IL16: variants seen among roughly 807,000 people sequenced by gnomAD.
The protein encoded by IL16 is pro-interleukin-16.
In IL16, 67 loss-of-function variants were observed where a neutral mutation model predicts 110.1. That is an observed-to-expected ratio of 0.61 (90% CI 0.50 to 0.75). IL16 has a LOEUF of 0.75. Among genes scored for constraint, IL16 ranks in the 30% least tolerant of loss-of-function variants. The pLI is 0.00. For synonymous variants in IL16, 689 were observed against 662.9 expected (o/e 1.04, Z -0.61); for missense variants, 1,545 against 1,655.0 (o/e 0.93, Z 1.15).
In IL16 at chr15:81,292,160, T is replaced by C. The variant is rs924447162; in HGVS notation, c.1421-396T>C. ...ACATAGCTGGGCCTCTGTAACCCTA[T>C]CTCCAGCAGTCCCTGGAGATGGGCT... is the stretch of plus-strand genomic sequence containing the variant. On this transcript the variant is annotated intron_variant, in intron 11 of 18. Coordinates refer to ENST00000683961, the MANE Select transcript of IL16 (RefSeq NM_172217.5). 1.1e-5 allele frequency: 4 copies of C among 353,904 alleles called. No individual in the cohort carries two copies. The Admixed American group carries it at 1.5e-4, about 13-fold the overall frequency. The allele number at this position is 353,904 out of a possible 1,614,324, so 21.9% of individuals were successfully genotyped here.
chr15:81,253,703 T>C (rs541994850), intron 2 of IL16, among the ~76,000 whole-genome samples: 2 of 152,222 alleles, frequency 1.3e-5, no homozygotes, highest in Non-Finnish European at 2.9e-5. Context: ...CCAGCACTAT[T>C]TGTAAAATAT....
intron 3 of IL16, among the ~76,000 whole-genome samples, chr15:81,263,899 C>T (rs1596007585): frequency 6.6e-6 from 1 of 152,170 alleles, no homozygotes; most frequent in East Asian, 1.9e-4. Context: ...CCGGAACCCT[C>T]TGGGCTTCCA....
At chr15:81,297,780 G>T (rs1429643443) in intron 13 of IL16, among the ~76,000 whole-genome samples, 1 of 152,238 alleles carries the variant, frequency 6.6e-6, no homozygotes, top group Non-Finnish European at 1.5e-5. Flanking sequence ...CCCTGTGCTA[G>T]ATGCTGGGGG....
intron 1 of IL16, among the ~76,000 whole-genome samples, chr15:81,214,420 CT>C (rs761755513): frequency 2.0e-5 from 3 of 152,140 alleles, no homozygotes; most frequent in Non-Finnish European, 2.9e-5. Flanking sequence ...GTTGGAATTT[CT>C]TTGCTTTGAA....
Position 81,306,167 on chromosome 15 carries a change from G to A in IL16, c.3679+1G>A. On this transcript the variant is annotated splice_donor_variant, in intron 17 of 18. Transcript: ENST00000683961. LOFTEE classifies it high-confidence loss of function. ...GCCAGTGATGTTTCTGTAGAATCTA[G>A]TAAGTTCTCCCAACTCAGTGGAAGC... 1 of 1,613,092 alleles carries A rather than the reference G, an allele frequency of 6.2e-7. No homozygotes were observed. The highest frequency in any genetic ancestry group is 8.5e-7 in the Non-Finnish European group (1 of 1,179,454).
chr15:81,273,527 C>T (rs1172546813), intron 6 of IL16, among the ~76,000 whole-genome samples: 2 of 152,150 alleles, frequency 1.3e-5, no homozygotes, highest in Non-Finnish European at 2.9e-5. Flanking sequence ...ATTCTCTCGG[C>T]TGTCTTTCCC....
chr15:81,193,051 A>T (rs1453029525), upstream of IL16, among the ~76,000 whole-genome samples: 1 of 152,204 alleles, frequency 6.6e-6, no homozygotes, highest in Non-Finnish European at 1.5e-5. Context: ...CAGCCTATAG[A>T]TGACAAAACC....
rs1900018001 is a variant in IL16, at chr15:81,297,006, C to G, written c.1981C>G (p.Pro661Ala). 1 of 1,613,826 alleles carries G rather than the reference C, an allele frequency of 6.2e-7. No individual in the cohort carries two copies. The highest frequency in any genetic ancestry group is 1.7e-5 in the Admixed American group (1 of 60,002). Reference sequence around the variant, plus strand: ...AAGCCCTAGTGCCTCTGCCGGCTGCCCAGGACCTGGTATCGGCCCACAGAC... The same window carrying G: ...AAGCCCTAGTGCCTCTGCCGGCTGCGCAGGACCTGGTATCGGCCCACAGAC... ...GRSPSASAGC[P>A]GPGIGPQTKS... is the part of the protein sequence containing the mutation. The change falls in exon 13 of 19, where the codon CCA becomes GCA. Residue 661 changes from proline to alanine, a missense_variant. By Grantham distance (27) the Pro-to-Ala change is conservative. This residue lies in a region of IL16 where 1,185 missense variants were observed against 1,238.8 expected (regional missense o/e 0.96). Coordinates refer to ENST00000683961, the MANE Select transcript of IL16 (RefSeq NM_172217.5).
At chr15:81,220,640 TTC>T (rs1896581511) in intron 1 of IL16, among the ~76,000 whole-genome samples, 1 of 152,184 alleles carries the variant, frequency 6.6e-6, no homozygotes, top group African/African-American at 2.4e-5. Context: ...CAGCTAGTTC[TTC>T]TCTCTCCATG....
rs529938645 is a variant in IL16, at chr15:81,310,659, T to C, written c.*1861T>C. Reference sequence around the variant, plus strand: ...TGATGTGGAGGGCACATTCCTTGCCTGCACAAACTCACCATCTGTGCACGC... The same window carrying C: ...TGATGTGGAGGGCACATTCCTTGCCCGCACAAACTCACCATCTGTGCACGC... On this transcript the variant is annotated 3_prime_UTR_variant, in exon 19 of 19. Coordinates refer to ENST00000683961, the MANE Select transcript of IL16 (RefSeq NM_172217.5). 6.6e-6 allele frequency: 1 copy of C among 152,364 alleles called. No individual in the cohort carries two copies. The highest frequency in any genetic ancestry group is 1.5e-5 in the Non-Finnish European group (1 of 68,044). The allele number at this position is 152,364 out of a possible 1,614,324, so 9.4% of individuals were successfully genotyped here.
chr15:81,186,061 C>T (rs192421922), intron 1 of IL16, among the ~76,000 whole-genome samples: 35 of 152,236 alleles, frequency 2.3e-4, no homozygotes, highest in Admixed American at 2.1e-3. Context: ...AGCCAGTTGT[C>T]TCTGTTCCCC....
At chr15:81,215,479 ACTC>A (rs1896391642) in intron 1 of IL16, among the ~76,000 whole-genome samples, 1 of 151,824 alleles carries the variant, frequency 6.6e-6, no homozygotes, top group Non-Finnish European at 1.5e-5. Flanking sequence ...CAGTCACACT[ACTC>A]TTTTGTATCT....
chr15:81,186,340 G>A (rs1595930333), intron 1 of IL16, among the ~76,000 whole-genome samples: 1 of 152,162 alleles, frequency 6.6e-6, no homozygotes, highest in Admixed American at 6.5e-5. Context: ...CAAGACACAG[G>A]GAGTTTAACC....
intron 1 of IL16, among the ~76,000 whole-genome samples, chr15:81,211,360 T>A (rs1896235963): frequency 6.6e-6 from 1 of 152,096 alleles, no homozygotes; most frequent in Non-Finnish European, 1.5e-5. Context: ...CAGGCTATTC[T>A]CCTGCCTCAG....
chr15:81,264,856 TATAAC>T (rs1273529959), intron 3 of IL16, among the ~76,000 whole-genome samples: 2 of 152,354 alleles, frequency 1.3e-5, no homozygotes, highest in African/African-American at 2.4e-5. Flanking sequence ...GAACAATAGA[TATAAC>T]AGACCAAATA....
intron 9 of IL16, among the ~76,000 whole-genome samples, 195 bp from the exon 10 acceptor site, chr15:81,285,503 G>A (rs552477773): frequency 2.0e-5 from 3 of 152,324 alleles, no homozygotes; most frequent in South Asian, 2.1e-4. Context: ...GTGGTTGTAC[G>A]GTAAGGGGGT....
intron 2 of IL16, among the ~76,000 whole-genome samples, chr15:81,258,570 A>T (rs75019274): frequency 0.054 from 8,161 of 152,072 alleles, 794 homozygotes; most frequent in African/African-American, 0.19. Context: ...GCATGCTGGC[A>T]TGCATCTGTA....
Position 81,311,642 on chromosome 15 carries a change from T to C in IL16, c.*2844T>C, listed in dbSNP as rs1173221609. ...TTGATAAGACCACCACCTCAGAGTA[T>C]GGAGCTCAGAGAGGGCAGGCATGAA... is the stretch of plus-strand genomic sequence containing the variant. On this transcript the variant is annotated 3_prime_UTR_variant, in exon 19 of 19. Coordinates refer to ENST00000683961, the MANE Select transcript of IL16 (RefSeq NM_172217.5). 6.6e-6 allele frequency: 1 copy of C among 152,218 alleles called. No individual in the cohort carries two copies. The highest frequency in any genetic ancestry group is 1.5e-5 in the Non-Finnish European group (1 of 68,064). The allele number at this position is 152,218 out of a possible 1,614,324, so 9.4% of individuals were successfully genotyped here. A position where few individuals can be genotyped will look rare whatever the true frequency, so the allele number is the denominator to read the frequency against.
Position 81,282,707 on chromosome 15 carries a change from G to A in IL16, c.1150G>A (p.Val384Ile), listed in dbSNP as rs780472079. The change falls in exon 9 of 19, where the codon GTC (valine) becomes ATC (isoleucine). Residue 384 changes from valine to isoleucine, a missense_variant. Transcript: ENST00000683961. ...PYFQCISGIF[V>I]HTLSPGSVAH... ...CTTCCAATGCATCTCTGGCATTTTC[G>A]TCCACACGCTGTCACCAGGATCCGT... The A allele has an allele frequency of 2.2e-5, 36 of 1,614,038 alleles. No homozygotes were observed. Among genetic ancestry groups the A allele is most frequent in the South Asian group, 7.7e-5 (7 of 91,088 alleles).
Sources: gnomAD v4.1 joint callset for allele counts (sites outside exome capture counted in the v4.1 genomes callset) on GRCh38, gnomAD v4.1.1 for gene constraint, gnomAD v4.1.1 regional missense constraint, MANE v1.5 for transcripts, NCBI Gene and HGNC (gene_info 2026-07-23, HGNC 2026-07-21) for gene names.